The following ZNF469 variants were observed in gnomAD, a reference collection of about 807,000 sequenced individuals.
The protein encoded by ZNF469 is zinc finger protein 469.
ZNF469 carries 1 observed loss-of-function variant against 1.0 expected under a neutral mutation model. The observed-to-expected ratio is 1.00, with a 90% CI of 0.35 to 4.73. ZNF469 has a LOEUF of 4.73. ZNF469 is among the 30% of genes most tolerant of loss of function. The probability of loss-of-function intolerance (pLI) is 0.16; values close to 1 mark genes in which losing one functional copy is unlikely to be tolerated. For synonymous variants in ZNF469, 2,703 were observed against 2,363.4 expected, an observed-to-expected ratio of 1.14 and a Z score of -4.17; for missense variants, 6,100 against 5,356.3, an observed-to-expected ratio of 1.14 and a Z score of -4.33.
At chr16:88,269,995 C>T in the ZNF469 span, among the ~76,000 whole-genome samples, 1 of 152,162 alleles carries the variant, frequency 6.6e-6, no homozygotes, top group Non-Finnish European at 1.5e-5. Context: ...TCTAGGTTCG[C>T]GTCCTGCATT....
chr16:88,394,161 AT>A (rs1904585455), intron 1 of ZNF469, among the ~76,000 whole-genome samples: 1 of 97,446 alleles, frequency 1.0e-5, no homozygotes, highest in East Asian at 3.1e-4. Context: ...TCCGAGAGGG[AT>A]GGGGTTTGAC....
chr16:88,434,813 C>A lies in ZNF469; in HGVS notation c.7343C>A (p.Ser2448Tyr). 6.5e-7 allele frequency: 1 copy of A among 1,550,350 alleles called. No homozygotes were observed. The highest frequency in any genetic ancestry group is 2.4e-5 in the East Asian group (1 of 40,916). The change falls in exon 3 of 3, where the codon TCC (serine) becomes TAC (tyrosine). Residue 2448 changes from serine (S) to tyrosine (Y), a missense_variant. By Grantham distance (144) the Ser-to-Tyr change is moderately radical. Transcript: ENST00000565624. ...PLGPQDLKQR[S>Y]RGYKKKPAST... ...GGCCCCCAAGACCTCAAACAGAGGT[C>A]CCGTGGCTATAAAAAGAAGCCTGCA... is the stretch of plus-strand genomic sequence containing the variant.
the ZNF469 span, among the ~76,000 whole-genome samples, chr16:88,277,765 G>T: frequency 8.7e-5 from 4 of 46,200 alleles, no homozygotes; most frequent in African/African-American, 2.8e-4. Context: ...GCTGACACTC[G>T]GTCAGTACCG....
intron 1 of ZNF469, among the ~76,000 whole-genome samples, chr16:88,405,068 G>C (rs1467078913): frequency 6.6e-6 from 1 of 152,158 alleles, no homozygotes; most frequent in Non-Finnish European, 1.5e-5. Context: ...ATGAACACAG[G>C]GCAGGGGAGG....
At chr16:88,152,598 G>A in the ZNF469 span, among the ~76,000 whole-genome samples, 1 of 152,116 alleles carries the variant, frequency 6.6e-6, no homozygotes, top group South Asian at 2.1e-4. The surrounding 1 kb of genome is among the most constrained non-coding windows in gnomAD (Gnocchi z 4.2). Flanking sequence ...GTCCACAGGC[G>A]GGCTCTGTGG....
At chr16:88,204,781 G>T in the ZNF469 span, among the ~76,000 whole-genome samples, 6 of 152,040 alleles carry the variant, frequency 3.9e-5, no homozygotes, top group East Asian at 1.2e-3. Context: ...GGAGTGGGGC[G>T]TTCACTGGAT....
chr16:88,305,332 G>A, the ZNF469 span, among the ~76,000 whole-genome samples: 19 of 108,444 alleles, frequency 1.8e-4, no homozygotes, highest in Admixed American at 4.9e-4. Context: ...AGGCACACAC[G>A]CACACCCTCA....
the ZNF469 span, among the ~76,000 whole-genome samples, chr16:88,359,890 A>G: frequency 2.0e-5 from 3 of 152,192 alleles, no homozygotes; most frequent in Non-Finnish European, 4.4e-5. Flanking sequence ...CTTTCTATCT[A>G]TCAGTTCATC....
the ZNF469 span, among the ~76,000 whole-genome samples, chr16:88,280,618 G>T: frequency 1.3e-5 from 2 of 149,726 alleles, no homozygotes; most frequent in Middle Eastern, 3.6e-3. Flanking sequence ...ACCAACGCTT[G>T]GTCAGTACCA....
the ZNF469 span, among the ~76,000 whole-genome samples, chr16:88,197,474 A>C: frequency 6.6e-6 from 1 of 152,260 alleles, no homozygotes; most frequent in African/African-American, 2.4e-5. Context: ...ACAGGAAAGC[A>C]GATGTCTTTC....
chr16:88,216,274 T>A, the ZNF469 span, among the ~76,000 whole-genome samples: 1 of 152,038 alleles, frequency 6.6e-6, no homozygotes, highest in Non-Finnish European at 1.5e-5. Flanking sequence ...GGCGGGTGGA[T>A]CACGAGGTCA....
chr16:88,242,759 A>T, the ZNF469 span, among the ~76,000 whole-genome samples: 1 of 152,370 alleles, frequency 6.6e-6, no homozygotes, highest in East Asian at 1.9e-4. Context: ...AGCATGAGGC[A>T]TCTCCGGCAC....
the ZNF469 span, among the ~76,000 whole-genome samples, chr16:88,335,250 G>A: frequency 6.6e-6 from 1 of 152,142 alleles, no homozygotes; most frequent in Non-Finnish European, 1.5e-5. Context: ...TCAGATGCAG[G>A]CCAGGCTCTC....
At chr16:88,346,107 G>T in the ZNF469 span, among the ~76,000 whole-genome samples, 12 of 152,304 alleles carry the variant, frequency 7.9e-5, no homozygotes, top group East Asian at 2.3e-3. Flanking sequence ...CATTACAAAA[G>T]AATTTTTATT....
the ZNF469 span, among the ~76,000 whole-genome samples, chr16:88,362,410 T>C: frequency 2.6e-5 from 4 of 152,248 alleles, no homozygotes; most frequent in African/African-American, 9.6e-5. Context: ...TTGAGAAGTT[T>C]GTTTAGTATT....
At chr16:88,253,756 C>G in the ZNF469 span, among the ~76,000 whole-genome samples, 2 of 152,182 alleles carry the variant, frequency 1.3e-5, no homozygotes, top group East Asian at 3.9e-4. Context: ...CCAGGGTAGT[C>G]TCGAACTCCT....
the ZNF469 span, among the ~76,000 whole-genome samples, chr16:88,142,768 G>A: frequency 2.6e-5 from 4 of 152,242 alleles, no homozygotes; most frequent in Non-Finnish European, 5.9e-5. Context: ...CTGCGTCGCT[G>A]TGGATCCCAC....
chr16:88,324,460 C>A, the ZNF469 span, among the ~76,000 whole-genome samples: 1 of 152,324 alleles, frequency 6.6e-6, no homozygotes, highest in East Asian at 1.9e-4. Flanking sequence ...GCTGTCCTCT[C>A]CTATGGCTGT....
the ZNF469 span, among the ~76,000 whole-genome samples, chr16:88,193,243 G>GTGGGGA: frequency 7.4e-6 from 1 of 135,768 alleles, no homozygotes; most frequent in Non-Finnish European, 1.6e-5. Flanking sequence ...GATGGTGGTG[G>GTGGGGA]TGGTGATGGT....
Sources: allele counts gnomAD v4.1 joint callset (sites outside exome capture counted in the v4.1 genomes callset), GRCh38; gene constraint gnomAD v4.1.1; non-coding constraint Gnocchi (gnomAD v3.1); transcripts MANE v1.5; gene names NCBI Gene and HGNC (gene_info 2026-07-23, HGNC 2026-07-21).